SLC35F3: variants seen among roughly 807,000 people sequenced by gnomAD.
SLC35F3 encodes the protein putative thiamine transporter SLC35F3.
In SLC35F3, 25 loss-of-function variants were observed where a neutral mutation model predicts 49.9. The observed-to-expected ratio is 0.50, with a 90% CI of 0.37 to 0.70. SLC35F3 has a LOEUF of 0.70. Among genes scored for constraint, SLC35F3 ranks in the 30% least tolerant of loss-of-function variants. SLC35F3 has a pLI of 0.00. For synonymous variants in SLC35F3, 275 were observed against 265.4 expected, an observed-to-expected ratio of 1.04 and a Z score of -0.35; for missense variants, 525 against 639.8, an observed-to-expected ratio of 0.82 and a Z score of 1.94.
chr1:234,150,646 A>C (rs953016902), intron 2 of SLC35F3, among the ~76,000 whole-genome samples: 1 of 152,212 alleles, frequency 6.6e-6, no homozygotes, highest in Non-Finnish European at 1.5e-5. Context: ...TCAGACAGGT[A>C]TGGAGAGGAT....
At chr1:233,962,652 A>ACAAAC (rs1662823178) in intron 2 of SLC35F3, among the ~76,000 whole-genome samples, 5 of 152,298 alleles carry the variant, frequency 3.3e-5, no homozygotes, top group African/African-American at 1.2e-4. Flanking sequence ...TACCTTGAGG[A>ACAAAC]GTTGCTTCAT....
At chr1:234,124,214 T>C (rs1665614712) in intron 2 of SLC35F3, among the ~76,000 whole-genome samples, 1 of 152,198 alleles carries the variant, frequency 6.6e-6, no homozygotes, top group South Asian at 2.1e-4. Context: ...AGCAGTGCTC[T>C]CCTAGCCAGT....
chr1:234,184,986 A>G (rs1221952212), intron 2 of SLC35F3, among the ~76,000 whole-genome samples: 1 of 152,218 alleles, frequency 6.6e-6, no homozygotes, highest in Non-Finnish European at 1.5e-5. Context: ...TCTGAGAAGC[A>G]TTCTATGGAG....
At chr1:233,911,000 G>A (rs563988318) in intron 2 of SLC35F3, among the ~76,000 whole-genome samples, 8 of 152,266 alleles carry the variant, frequency 5.3e-5, no homozygotes, top group African/African-American at 1.9e-4. Context: ...TTATCTGGGT[G>A]GAGGTTTTCT....
rs1663624234 is a variant in SLC35F3, at chr1:234,005,927, G to C, written c.283+100169G>C. On this transcript the variant is annotated intron_variant, in intron 2 of 7. Coordinates refer to ENST00000366618, the MANE Select transcript of SLC35F3 (RefSeq NM_173508.4). The stretch of plus-strand genomic sequence containing the variant: ...GCTGCCACCCCAATCTCTTAATTTT[G>C]GGCAAATTTTTGAACCATGCTTTTT... Among the ~76,000 whole-genome samples, 4 of 152,184 alleles carry C rather than the reference G, an allele frequency of 2.6e-5. 1 individual carries two copies. In the South Asian group the frequency reaches 8.3e-4, roughly 32 times the overall value.
At chr1:234,059,629 TAGACATAGACATAGA>T (rs1558217617) in intron 2 of SLC35F3, among the ~76,000 whole-genome samples, 60 of 67,518 alleles carry the variant, frequency 8.9e-4, no homozygotes, top group South Asian at 2.3e-3. Context: ...GACATAGACA[TAGACATAGACATAGA>T]CATAGACATA....
At chr1:234,047,444 C>T (rs1664307788) in intron 2 of SLC35F3, among the ~76,000 whole-genome samples, 1 of 152,198 alleles carries the variant, frequency 6.6e-6, no homozygotes, top group African/African-American at 2.4e-5. Context: ...GACCCTTTTA[C>T]AAGGAAGAGG....
intron 2 of SLC35F3, among the ~76,000 whole-genome samples, chr1:233,967,712 GA>G (rs1475235359): frequency 1.3e-5 from 2 of 152,180 alleles, no homozygotes; most frequent in Non-Finnish European, 2.9e-5. Flanking sequence ...TTTAGTCTGA[GA>G]AACAACAGCC....
At chr1:234,314,489 A>C (rs1423998089) in intron 4 of SLC35F3, among the ~76,000 whole-genome samples, 1 of 152,238 alleles carries the variant, frequency 6.6e-6, no homozygotes, top group Admixed American at 6.5e-5. Flanking sequence ...GGCCGGGCAC[A>C]GTGGCTCATG....
At chr1:233,920,123 A>G (rs1662035437) in intron 2 of SLC35F3, among the ~76,000 whole-genome samples, 1 of 152,220 alleles carries the variant, frequency 6.6e-6, no homozygotes, top group African/African-American at 2.4e-5. Flanking sequence ...CTTTTGTCTC[A>G]AGGTGAATAT....
At chr1:234,088,023 A>G (rs1033078391) in intron 2 of SLC35F3, among the ~76,000 whole-genome samples, 1 of 152,134 alleles carries the variant, frequency 6.6e-6, no homozygotes, top group Non-Finnish European at 1.5e-5. Flanking sequence ...TTCTATATTT[A>G]CTTCTTTGTG....
intron 3 of SLC35F3, among the ~76,000 whole-genome samples, chr1:234,267,585 G>A (rs923257651): frequency 2.0e-5 from 3 of 150,088 alleles, no homozygotes; most frequent in Admixed American, 6.6e-5. Context: ...GGGCGGCCGG[G>A]CAGAGGCACC....
rs1387617980 is a variant in SLC35F3 at position 234,324,260 on chromosome 1, T to G, written c.*1017T>G. On this transcript the variant is annotated 3_prime_UTR_variant, in exon 8 of 8. Coordinates refer to ENST00000366618, the MANE Select transcript of SLC35F3 (RefSeq NM_173508.4). ...TACACAATTTAGGTCTGCCAGAAAA[T>G]TCTATCTGTGATAGATCTGTAAAGA... 1 of 152,220 alleles carries G rather than the reference T, an allele frequency of 6.6e-6. No individual in the cohort carries two copies. Among genetic ancestry groups the G allele is most frequent in the South Asian group, 2.1e-4 (1 of 4,824 alleles). The allele number at this position is 152,220 out of a possible 1,614,324, so 9.4% of individuals were successfully genotyped here. A position where few individuals can be genotyped will look rare whatever the true frequency, so the allele number is the denominator to read the frequency against.
At chr1:234,252,012 GA>G (rs536009583) in intron 3 of SLC35F3, among the ~76,000 whole-genome samples, 1,644 of 151,322 alleles carry the variant, frequency 0.011, 14 homozygotes, top group Non-Finnish European at 0.016. Flanking sequence ...ATTATTTTAT[GA>G]CTTGTCTCAC....
chr1:234,322,650 C>CGTGTGTGTGTGTGTGTGTGTGT (rs55827503), intron 7 of SLC35F3, among the ~76,000 whole-genome samples: 8 of 144,864 alleles, frequency 5.5e-5, no homozygotes, highest in African/African-American at 1.5e-4. Flanking sequence ...GGGTCAAATG[C>CGTGTGTGTGTGTGTGTGTGTGT]GTGTGTGTGT....
intron 2 of SLC35F3, among the ~76,000 whole-genome samples, chr1:234,117,948 GTGTGTGTGTGTGTGTGTA>G (rs1413111353): frequency 8.8e-5 from 4 of 45,656 alleles, no homozygotes; most frequent in Non-Finnish European, 2.0e-4. Context: ...GTGTGTGTGT[GTGTGTGTGTGTGTGTGTA>G]TATATATATA....
intron 2 of SLC35F3, among the ~76,000 whole-genome samples, chr1:234,062,312 G>A (rs1230201047): frequency 6.6e-6 from 1 of 152,194 alleles, no homozygotes; most frequent in Non-Finnish European, 1.5e-5. Context: ...TGTTGGCAAA[G>A]CTATCTTTGA....
chr1:233,914,104 C>G (rs1219798001), intron 2 of SLC35F3, among the ~76,000 whole-genome samples: 2 of 152,242 alleles, frequency 1.3e-5, no homozygotes, highest in East Asian at 3.9e-4. Context: ...CGTTTGGGCC[C>G]TTAGCAGCCA....
At chr1:234,031,325 G>A (rs1664058884) in intron 2 of SLC35F3, among the ~76,000 whole-genome samples, 2 of 152,158 alleles carry the variant, frequency 1.3e-5, no homozygotes, top group African/African-American at 4.8e-5. Context: ...TATCACCTAT[G>A]TGTGAACTCA....
Sources: gnomAD v4.1 joint callset for allele counts (sites outside exome capture counted in the v4.1 genomes callset) on GRCh38, gnomAD v4.1.1 for gene constraint, MANE v1.5 for transcripts, NCBI Gene and HGNC (gene_info 2026-07-23, HGNC 2026-07-21) for gene names.